The following C7orf25 variants were observed in gnomAD, a reference collection of about 807,000 sequenced individuals.
C7orf25 encodes UPF0415 protein C7orf25.
C7orf25 carries 14 observed loss-of-function variants against 25.5 expected under a neutral mutation model. The observed-to-expected ratio is 0.55, with a 90% CI of 0.36 to 0.86. The LOEUF is 0.86. Ranked by LOEUF, C7orf25 falls within the 40% of genes least tolerant of loss-of-function variation. The pLI is 0.01. For synonymous variants in C7orf25, 184 were observed against 179.9 expected, an observed-to-expected ratio of 1.02 and a Z score of -0.18; for missense variants, 405 against 493.9, an observed-to-expected ratio of 0.82 and a Z score of 1.71.
In C7orf25 at chr7:42,910,866, G is replaced by A. The variant is rs756677610; in HGVS notation, c.35C>T (p.Ala12Val). ...SAHSMLCERI[A>V]IAKELIKRAE... ...TCTCTTGATCAGTTCCTTGGCTATG[G>A]CGATTCGTTCACAGAGCATGGAATG... is the stretch of plus-strand genomic sequence containing the variant. Residue 12 changes from alanine (A) to valine (V), a missense_variant, in exon 2 of 2, where the codon GCC (alanine) becomes GTC (valine). Physicochemically the swap from Ala to Val is moderately conservative, Grantham distance 64 (BLOSUM62 0). Transcript: ENST00000350427. The A allele has an allele frequency of 6.2e-7, 1 of 1,614,006 alleles. No individual in the cohort carries two copies. Among genetic ancestry groups the A allele is most frequent in the South Asian group, 1.1e-5 (1 of 91,078 alleles).
Position 42,911,906 on chromosome 7 carries a change from G to C in C7orf25, c.-22+9C>G. 6.8e-7 allele frequency: 1 copy of C among 1,462,218 alleles called. No homozygotes were observed. Among genetic ancestry groups the C allele is most frequent in the Non-Finnish European group, 9.0e-7 (1 of 1,114,370 alleles). The allele number at this position is 1,462,218 out of a possible 1,614,324, so 90.6% of individuals were successfully genotyped here. On this transcript the variant is annotated intron_variant, in intron 1 of 1. Transcript: ENST00000350427. The stretch of plus-strand genomic sequence containing the variant: ...CCCAGCCTCCCCGCCTCGCTCCCCG[G>C]CTCCTCACCGGCAGCGCCAGAACCG...
intron 1 of C7orf25, 67 bp downstream of exon 1, chr7:42,911,848 A>G (rs1375544223): frequency 7.4e-7 from 1 of 1,349,826 alleles, no homozygotes; most frequent in Non-Finnish European, 9.5e-7. Flanking sequence ...GGCCCTGCCC[A>G]GCCCCCTCTG....
In C7orf25 at chr7:42,911,452, G is replaced by A. The variant is rs935513570; in HGVS notation, c.-22+463C>T. The A allele has an allele frequency of 3.0e-6, 3 of 1,003,808 alleles. No individual in the cohort carries two copies. The African/African-American group carries it at 5.2e-5, about 17-fold the overall frequency. The allele number at this position is 1,003,808 out of a possible 1,614,324, so 62.2% of individuals were successfully genotyped here. On this transcript the variant is annotated intron_variant, in intron 1 of 1. Coordinates refer to ENST00000350427, the MANE Select transcript of C7orf25 (RefSeq NM_001099858.2). Reference sequence around the variant, plus strand: ...CCGGCTGCCTCATGATTTCCCCCGAGGCTTGGGGTACTTACGCCAAAAAAA... The same window carrying A: ...CCGGCTGCCTCATGATTTCCCCCGAAGCTTGGGGTACTTACGCCAAAAAAA...
Position 42,910,482 on chromosome 7 carries a change from T to C in C7orf25, c.419A>G (p.Lys140Arg), listed in dbSNP as rs1384609607. ...GTCTTCAGCCTGCTCAATGATGCTTTTGTCACCATATTGGCCCCTGCCCAG... is the reference window on the plus strand; with the variant it reads ...GTCTTCAGCCTGCTCAATGATGCTTCTGTCACCATATTGGCCCCTGCCCAG... ...IWLGRGQYGDKSIIEQAEDFL... is the reference protein window; with the variant it reads ...IWLGRGQYGDRSIIEQAEDFL... Residue 140 changes from lysine to arginine, a missense_variant, in exon 2 of 2, where the codon AAA (lysine) becomes AGA (arginine). Coordinates refer to ENST00000350427, the MANE Select transcript of C7orf25 (RefSeq NM_001099858.2). 2.5e-6 allele frequency: 4 copies of C among 1,614,140 alleles called. No individual in the cohort carries two copies. Among genetic ancestry groups the C allele is most frequent in the East Asian group, 4.5e-5 (2 of 44,896 alleles).
rs1202335295 is a variant in C7orf25 at position 42,909,923 on chromosome 7, CCTCT to C, written c.974_977del (p.Glu325GlyfsTer5). On this transcript the variant is annotated frameshift_variant, in exon 2 of 2. Coordinates refer to ENST00000350427, the MANE Select transcript of C7orf25 (RefSeq NM_001099858.2). LOFTEE classifies it high-confidence loss of function. ...TAATTCGCTTAATTAACACAGTGGC[CCTCT>C]CTCTCTCCCCAGGTCCTCCTAAGGT... The C allele has an allele frequency of 6.2e-7, 1 of 1,613,848 alleles. No individual in the cohort carries two copies. Among genetic ancestry groups the C allele is most frequent in the Non-Finnish European group, 8.5e-7 (1 of 1,180,010 alleles).
In C7orf25 at chr7:42,910,639, C is replaced by T. The variant is rs1292150172; in HGVS notation, c.262G>A (p.Val88Ile). ...TCTGTATAACCAAAGACATGAAGAA[C>T]ACTAACAACTTCTTCCAGGTTTTCT... is the stretch of plus-strand genomic sequence containing the variant. ...SAENLEEVVS[V>I]LHVFGYTDTL... The change falls in exon 2 of 2, where the codon GTT (valine) becomes ATT (isoleucine). Residue 88 changes from valine (V) to isoleucine (I), a missense_variant. Val to Ile is a conservative substitution (Grantham distance 29). Transcript: ENST00000350427. The T allele has an allele frequency of 6.8e-6, 11 of 1,614,134 alleles. No homozygotes were observed. The highest frequency in any genetic ancestry group is 2.2e-5 in the South Asian group (2 of 91,092).
rs1169017408 is a variant in C7orf25, at chr7:42,909,601, A to G, written c.*34T>C. The stretch of plus-strand genomic sequence containing the variant: ...GGAAGACCCAGCCTTTGGTATAAAT[A>G]ACTTACTTCCACAAAAATATTTAAA... On this transcript the variant is annotated 3_prime_UTR_variant, in exon 2 of 2. Transcript: ENST00000350427. The G allele has an allele frequency of 6.4e-7, 1 of 1,571,424 alleles. No individual in the cohort carries two copies. Among genetic ancestry groups the G allele is most frequent in the African/African-American group, 1.4e-5 (1 of 73,206 alleles).
rs1785870975 is a variant in C7orf25, at chr7:42,910,714, G to A, written c.187C>T (p.His63Tyr). ...EAGKVAIKES[H>Y]LQSTNLTHLR... ...TGTGTTAGGTTAGTGCTCTGTAAAT[G>A]AGACTCTTTAATAGCTACTTTCCCA... Residue 63 changes from histidine (H) to tyrosine (Y), a missense_variant, in exon 2 of 2, where the codon CAT becomes TAT. Coordinates refer to ENST00000350427, the MANE Select transcript of C7orf25 (RefSeq NM_001099858.2). 2.5e-6 allele frequency: 4 copies of A among 1,614,118 alleles called. No homozygotes were observed. Among genetic ancestry groups the A allele is most frequent in the Non-Finnish European group, 2.5e-6 (3 of 1,180,034 alleles).
At chr7:42,911,355 C>T in intron 1 of C7orf25, 1 of 1,166,362 alleles carries the variant, frequency 8.6e-7, no homozygotes, top group Non-Finnish European at 1.1e-6. Flanking sequence ...CTGTCCAAAG[C>T]AAGTGTCTGT....
chr7:42,911,354 G>C, intron 1 of C7orf25: 1 of 1,164,756 alleles, frequency 8.6e-7, no homozygotes, highest in Non-Finnish European at 1.1e-6. Flanking sequence ...ACTGTCCAAA[G>C]CAAGTGTCTG....
At chr7:42,911,569 G>A in intron 1 of C7orf25, 1 of 1,013,288 alleles carries the variant, frequency 9.9e-7, no homozygotes, top group Non-Finnish European at 1.2e-6. Flanking sequence ...CTCCCACTCC[G>A]ACTCTGAAGG....
chr7:42,909,517 G>A lies in C7orf25; in HGVS notation c.*118C>T. ...AGATGAGAGACAAAGAAACTCTACT[G>A]GTTTAAGAGTTCTCAGTTTTACTTT... is the stretch of plus-strand genomic sequence containing the variant. On this transcript the variant is annotated 3_prime_UTR_variant, in exon 2 of 2. Transcript: ENST00000350427. The A allele has an allele frequency of 1.9e-6, 2 of 1,054,648 alleles. No homozygotes were observed. Among genetic ancestry groups the A allele is most frequent in the Non-Finnish European group, 2.7e-6 (2 of 736,848 alleles). 65.3% of individuals were successfully genotyped at this position (1,054,648 alleles called of 1,614,324 possible).
chr7:42,910,808 GCCA>G lies in C7orf25; in HGVS notation c.90_92del (p.Gly31del). 1 of 1,614,106 alleles carries G rather than the reference GCCA, an allele frequency of 6.2e-7. No individual in the cohort carries two copies. The highest frequency in any genetic ancestry group is 8.5e-7 in the Non-Finnish European group (1 of 1,180,030). ...TGCACAGCTTTGCACCACCTTCTAT[GCCA>G]CCTTTTCTTGATCTAGAAAGTGATT... On this transcript the variant is annotated inframe_deletion, in exon 2 of 2. Coordinates refer to ENST00000350427, the MANE Select transcript of C7orf25 (RefSeq NM_001099858.2).
rs1366889862 is a variant in C7orf25 at position 42,910,616 on chromosome 7, T to A, written c.285A>T (p.Thr95=). 2 of 1,614,144 alleles carry A rather than the reference T, an allele frequency of 1.2e-6. No homozygotes were observed. Among genetic ancestry groups the A allele is most frequent in the Admixed American group, 3.3e-5 (2 of 60,038 alleles). Residue 95 remains threonine, a synonymous_variant, in exon 2 of 2, where the codon ACA becomes ACT. Coordinates refer to ENST00000350427, the MANE Select transcript of C7orf25 (RefSeq NM_001099858.2). ...VVSVLHVFGY[T]DTLGEKQTLV... is the part of the protein sequence containing the mutation. ...GGGTTTGCTTTTCTCCTAAGGTATCTGTATAACCAAAGACATGAAGAACAC... is the reference window on the plus strand; with the variant it reads ...GGGTTTGCTTTTCTCCTAAGGTATCAGTATAACCAAAGACATGAAGAACAC...
At position 42,911,970 on chromosome 7, in the gene C7orf25, G is replaced by T; in HGVS notation, c.-77C>A. 2 of 1,496,192 alleles carry T rather than the reference G, an allele frequency of 1.3e-6. No homozygotes were observed. Among genetic ancestry groups the T allele is most frequent in the Non-Finnish European group, 1.8e-6 (2 of 1,131,090 alleles). The allele number at this position is 1,496,192 out of a possible 1,614,324, so 92.7% of individuals were successfully genotyped here. ...GCAGGCGCGTGCACGCAGAGGCCGG[G>T]ACCCGCCGGGAAATCTCAACCGGGC... On this transcript the variant is annotated 5_prime_UTR_variant, in exon 1 of 2. Transcript: ENST00000350427.
Position 42,910,073 on chromosome 7 carries a change from G to A in C7orf25, c.828C>T (p.Leu276=). The A allele has an allele frequency of 1.2e-6, 2 of 1,614,106 alleles. No homozygotes were observed. Among genetic ancestry groups the A allele is most frequent in the Non-Finnish European group, 1.7e-6 (2 of 1,180,030 alleles). The stretch of plus-strand genomic sequence containing the variant: ...TCCTCTCTTGCTCTGCTTGTTCTGT[G>A]AGCACTTTCTCTTTGAAAATAAAGT... ...GCHFIFKEKV[L]TEQAEQERKE... is the part of the protein sequence containing the mutation. Residue 276 remains leucine, a synonymous_variant, in exon 2 of 2, where the codon CTC becomes CTT. Coordinates refer to ENST00000350427, the MANE Select transcript of C7orf25 (RefSeq NM_001099858.2).
chr7:42,909,439 G>A lies in C7orf25; in HGVS notation c.*196C>T, dbSNP rs1048434. 0.08 allele frequency: 46,756 copies of A among 582,650 alleles called. 2,347 individuals are homozygous for A. Among genetic ancestry groups the A allele is most frequent in the Middle Eastern group, 0.12 (272 of 2,216 alleles). The allele number at this position is 582,650 out of a possible 1,614,324, so 36.1% of individuals were successfully genotyped here. On this transcript the variant is annotated 3_prime_UTR_variant, in exon 2 of 2. Transcript: ENST00000350427. ...TTAATTGCACTAATGCAGACAGTTT[G>A]ATAGATAAGCTTCTCTCTTGTGCTT...
chr7:42,911,261 G>T, intron 1 of C7orf25: 1 of 618,168 alleles, frequency 1.6e-6, no homozygotes, highest in Non-Finnish European at 2.4e-6. Context: ...GTCTATCAGC[G>T]GCCTGTTTAA....
At chr7:42,911,780 G>A (rs1056092426) in intron 1 of C7orf25, 135 bp downstream of exon 1, 22 of 1,242,550 alleles carry the variant, frequency 1.8e-5, no homozygotes, top group Non-Finnish European at 2.2e-5. Flanking sequence ...CACCGCCAGC[G>A]CCGCGGCTCA....
Sources: gnomAD v4.1 joint callset for allele counts on GRCh38, gnomAD v4.1.1 for gene constraint, MANE v1.5 for transcripts, NCBI Gene and HGNC (gene_info 2026-07-23, HGNC 2026-07-21) for gene names.